RPTOR: variants seen among roughly 807,000 people sequenced by gnomAD.
RPTOR encodes the protein regulatory associated protein of MTOR complex 1, also known as regulatory-associated protein of mTOR.
RPTOR carries 21 observed loss-of-function variants against 169.9 expected under a neutral mutation model. That is an observed-to-expected ratio of 0.12 (90% CI 0.09 to 0.18). RPTOR has a LOEUF of 0.18. Among genes scored for constraint, RPTOR ranks in the 10% least tolerant of loss-of-function variants. RPTOR has a pLI of 1.00. For synonymous variants in RPTOR, 732 were observed against 753.2 expected (o/e 0.97, Z 0.46); for missense variants, 1,133 against 1,855.9 (o/e 0.61, Z 7.16).
chr17:80,662,381 G>A (rs1423008102), intron 3 of RPTOR, among the ~76,000 whole-genome samples: 1 of 152,160 alleles, frequency 6.6e-6, no homozygotes, highest in Admixed American at 6.5e-5. Flanking sequence ...GGAAGGACGG[G>A]AGTTTTATTA....
chr17:80,758,923 C>T (rs2066707449), intron 6 of RPTOR, among the ~76,000 whole-genome samples: 2 of 151,662 alleles, frequency 1.3e-5, no homozygotes, highest in African/African-American at 4.9e-5. Context: ...CTTCCTGTGC[C>T]TTCCCTGCCG....
intron 28 of RPTOR, among the ~76,000 whole-genome samples, chr17:80,950,911 G>A (rs569551928): frequency 1.2e-4 from 19 of 152,358 alleles, no homozygotes; most frequent in Middle Eastern, 3.4e-3. Context: ...GCTTCAGCAC[G>A]GGAGCGCCTG....
At chr17:80,862,666 C>A (rs1408476783) in intron 13 of RPTOR, among the ~76,000 whole-genome samples, 1 of 152,030 alleles carries the variant, frequency 6.6e-6, no homozygotes, top group Non-Finnish European at 1.5e-5. Flanking sequence ...GGGCTCCGCC[C>A]ACCATGATGT....
At chr17:80,887,424 A>G (rs1018613297) in intron 17 of RPTOR, among the ~76,000 whole-genome samples, 6 of 151,938 alleles carry the variant, frequency 3.9e-5, no homozygotes, top group African/African-American at 1.2e-4. Context: ...CATCCTCGTC[A>G]TAGAGTCCTG....
intron 3 of RPTOR, among the ~76,000 whole-genome samples, chr17:80,702,427 G>GT (rs1298386892): frequency 2.6e-5 from 4 of 152,066 alleles, no homozygotes; most frequent in African/African-American, 2.4e-5. Context: ...AGAAATTGTC[G>GT]TAACTCCCCC....
Position 80,823,037 on chromosome 17 carries a change from C to G in RPTOR, c.992-42C>G. 1.3e-6 allele frequency: 2 copies of G among 1,589,132 alleles called. No homozygotes were observed. Among genetic ancestry groups the G allele is most frequent in the East Asian group, 2.2e-5 (1 of 44,588 alleles). On this transcript the variant is annotated intron_variant, in intron 8 of 33. Transcript: ENST00000306801. The surrounding 1 kb of genome is among the most constrained non-coding windows in gnomAD (Gnocchi z 4.5). ...TGTATTTGGCTTTAAATGCTAGACA[C>G]AAGTCACTGTAGACTCCTTTTTATC...
At chr17:80,722,199 A>G (rs1480721794) in intron 4 of RPTOR, among the ~76,000 whole-genome samples, 2 of 150,726 alleles carry the variant, frequency 1.3e-5, no homozygotes, top group African/African-American at 5.0e-5. Context: ...CATCATCATC[A>G]TTGAGTTTGG....
At chr17:80,775,312 T>C (rs2066882803) in intron 6 of RPTOR, among the ~76,000 whole-genome samples, 1 of 152,242 alleles carries the variant, frequency 6.6e-6, no homozygotes, top group African/African-American at 2.4e-5. Flanking sequence ...GGTCTTGTTA[T>C]GTTGCCCAGG....
chr17:80,764,268 C>T (rs993686775), intron 6 of RPTOR, among the ~76,000 whole-genome samples: 8 of 149,084 alleles, frequency 5.4e-5, no homozygotes, highest in East Asian at 4.0e-4. Context: ...CCCATTAACT[C>T]GTCATTTAGC....
chr17:80,769,727 G>A (rs1341864701), intron 6 of RPTOR, among the ~76,000 whole-genome samples: 1 of 152,182 alleles, frequency 6.6e-6, no homozygotes, highest in Non-Finnish European at 1.5e-5. Context: ...AAGAGGAGGT[G>A]GAGAAAGGCA....
At chr17:80,580,722 C>T (rs539379067) in intron 1 of RPTOR, among the ~76,000 whole-genome samples, 1 of 152,218 alleles carries the variant, frequency 6.6e-6, no homozygotes, top group South Asian at 2.1e-4. Flanking sequence ...TCCTCAGCTC[C>T]AGCAATCTTC....
chr17:80,606,227 G>A (rs2065227923), intron 1 of RPTOR, among the ~76,000 whole-genome samples: 1 of 151,436 alleles, frequency 6.6e-6, no homozygotes, highest in Non-Finnish European at 1.5e-5. Flanking sequence ...AGCCAGGGTG[G>A]TCTCGATCTG....
intron 1 of RPTOR, among the ~76,000 whole-genome samples, chr17:80,590,569 GCA>G (rs1227051208): frequency 4.1e-5 from 6 of 147,996 alleles, no homozygotes; most frequent in Admixed American, 3.3e-4. Context: ...GCACATGCGT[GCA>G]CACAGTGTCT....
intron 24 of RPTOR, among the ~76,000 whole-genome samples, chr17:80,935,998 A>C (rs1024473553): frequency 6.6e-6 from 1 of 152,230 alleles, no homozygotes; most frequent in African/African-American, 2.4e-5. Context: ...AACCCTCAAA[A>C]TTCCATGATA....
At chr17:80,846,869 A>G (rs2067737188) in intron 11 of RPTOR, among the ~76,000 whole-genome samples, 1 of 152,232 alleles carries the variant, frequency 6.6e-6, no homozygotes. Flanking sequence ...CTGGGGAGTC[A>G]TCAGCCAGTC....
At chr17:80,897,436 T>C (rs1212174381) in intron 20 of RPTOR, among the ~76,000 whole-genome samples, 3 of 152,236 alleles carry the variant, frequency 2.0e-5, no homozygotes, top group African/African-American at 7.2e-5. Context: ...CATTCTATTC[T>C]AGTTAGTTAA....
chr17:80,797,723 T>A (rs1490754431), intron 7 of RPTOR, among the ~76,000 whole-genome samples: 1 of 152,244 alleles, frequency 6.6e-6, no homozygotes, highest in East Asian at 1.9e-4. Flanking sequence ...AATACCTCGT[T>A]ATTTTTATAC....
At chr17:80,546,213 A>G (rs548745504) in intron 1 of RPTOR, among the ~76,000 whole-genome samples, 166 of 152,320 alleles carry the variant, frequency 1.1e-3, no homozygotes, top group African/African-American at 3.8e-3. Context: ...CTGATATACT[A>G]TGCTAGGAAA....
intron 21 of RPTOR, among the ~76,000 whole-genome samples, chr17:80,911,823 A>C (rs572698906): frequency 6.6e-6 from 1 of 152,350 alleles, no homozygotes; most frequent in African/African-American, 2.4e-5. Context: ...GTTACACATT[A>C]TGGTCTGAGA....
Sources: gnomAD v4.1 joint callset for allele counts (sites outside exome capture counted in the v4.1 genomes callset) on GRCh38, gnomAD v4.1.1 for gene constraint, Gnocchi (gnomAD v3.1) non-coding constraint, MANE v1.5 for transcripts, NCBI Gene and HGNC (gene_info 2026-07-23, HGNC 2026-07-21) for gene names.